BABAM2: variants seen among roughly 807,000 people sequenced by gnomAD.
BABAM2 encodes BRISC and BRCA1 A complex member 2.
A neutral mutation model predicts 54.7 loss-of-function variants in BABAM2; 31 were observed. That is an observed-to-expected ratio of 0.57 (90% CI 0.43 to 0.77). BABAM2 has a LOEUF of 0.77. Among genes scored for constraint, BABAM2 ranks in the 30% least tolerant of loss-of-function variants. BABAM2 has a pLI of 0.00. For missense variants in BABAM2, 364 were observed against 455.8 expected (o/e 0.80, Z 1.83); for synonymous variants, 167 against 162.9 (o/e 1.03, Z -0.19).
At chr2:28,002,189 G>A (rs547017549) in intron 4 of BABAM2, among the ~76,000 whole-genome samples, 4 of 152,090 alleles carry the variant, frequency 2.6e-5, no homozygotes, top group African/African-American at 2.4e-5. Flanking sequence ...TTCTGCTCAC[G>A]CTGATATTAC....
chr2:28,038,576 C>T (rs984541863), intron 5 of BABAM2, among the ~76,000 whole-genome samples: 1 of 151,974 alleles, frequency 6.6e-6, no homozygotes, highest in Admixed American at 6.6e-5. Flanking sequence ...TTGTTCCCAT[C>T]GTTATGTGTG....
intron 7 of BABAM2, among the ~76,000 whole-genome samples, chr2:28,153,776 A>G (rs186611834): frequency 4.0e-4 from 61 of 152,326 alleles, no homozygotes; most frequent in Non-Finnish European, 7.1e-4. Flanking sequence ...TAGGTAGTTG[A>G]ACACACACTA....
At chr2:27,914,506 C>T (rs1666825976) in intron 2 of BABAM2, among the ~76,000 whole-genome samples, 1 of 152,126 alleles carries the variant, frequency 6.6e-6, no homozygotes, top group Non-Finnish European at 1.5e-5. Flanking sequence ...AAGTGTAACA[C>T]CTAGAACTGA....
rs1344247281 is a variant in BABAM2, at chr2:28,112,146, T to TTTCTTTCC, written c.571-17123_571-17122insCTTTCCTT. On this transcript the variant is annotated intron_variant, in intron 6 of 11. Transcript: ENST00000379624. ...CTTTCTTTCTTTCTTTCTTTCTTTC[T>TTTCTTTCC]TTACCTCCCTCCCTCCCTCCCTCCC... is the stretch of plus-strand genomic sequence containing the variant. Among the ~76,000 whole-genome samples, 25 of 10,558 alleles carry TTTCTTTCC rather than the reference T, an allele frequency of 2.4e-3. 6 individuals carry two copies. The highest frequency in any genetic ancestry group is 0.02 in the Middle Eastern group (1 of 50). 6.9% of individuals were successfully genotyped at this position (10,558 alleles called of 152,430 possible). A position where few individuals can be genotyped will look rare whatever the true frequency, so the allele number is the denominator to read the frequency against.
intron 6 of BABAM2, among the ~76,000 whole-genome samples, chr2:28,112,152 TCC>T (rs1558346853): frequency 0.072 from 520 of 7,236 alleles, 152 homozygotes; most frequent in African/African-American, 0.14. Context: ...TTTCTTTACC[TCC>T]CTCCCTCCCT....
chr2:28,280,754 C>G (rs780862158), intron 10 of BABAM2, among the ~76,000 whole-genome samples: 2 of 152,128 alleles, frequency 1.3e-5, no homozygotes, highest in South Asian at 4.1e-4. Flanking sequence ...GCAAGTTGAA[C>G]GTGTAATGAA....
intron 6 of BABAM2, among the ~76,000 whole-genome samples, chr2:28,078,585 C>A (rs1222854116): frequency 6.6e-6 from 1 of 152,004 alleles, no homozygotes; most frequent in Non-Finnish European, 1.5e-5. Context: ...CATCCACTGG[C>A]AGGTCTTGGA....
chr2:28,085,220 T>G (rs1665533524), intron 6 of BABAM2, among the ~76,000 whole-genome samples: 4 of 152,186 alleles, frequency 2.6e-5, no homozygotes, highest in South Asian at 4.1e-4. Flanking sequence ...AACAAATACA[T>G]AAATGTAAAT....
intron 4 of BABAM2, among the ~76,000 whole-genome samples, chr2:28,006,096 CT>C (rs969112104): frequency 3.9e-5 from 6 of 151,902 alleles, no homozygotes; most frequent in South Asian, 2.1e-4. Context: ...TTTTCTCCAT[CT>C]TTTTTTTCCC....
At chr2:28,043,227 TTCAAGGGATTC>T (rs1677272303) in intron 5 of BABAM2, among the ~76,000 whole-genome samples, 1 of 151,094 alleles carries the variant, frequency 6.6e-6, no homozygotes, top group Non-Finnish European at 1.5e-5. Context: ...CTCCTCCTGG[TTCAAGGGATTC>T]TCATGCCTCA....
intron 7 of BABAM2, among the ~76,000 whole-genome samples, chr2:28,160,615 G>A (rs1179334069): frequency 6.6e-6 from 1 of 151,090 alleles, no homozygotes; most frequent in Non-Finnish European, 1.5e-5. Flanking sequence ...ACCCATGGGC[G>A]GTACTTCCTA....
chr2:28,219,812 G>T lies in BABAM2; in HGVS notation c.681-17390G>T, dbSNP rs1680234715. On this transcript the variant is annotated intron_variant, in intron 7 of 11. Coordinates refer to ENST00000379624, the MANE Select transcript of BABAM2 (RefSeq NM_199191.3). ...GCCTCAAAAATAGTGCTTGAAGGTT[G>T]CTTGAGCCGCTGCGGAGCCAAGCAA... is the stretch of plus-strand genomic sequence containing the variant. Among the ~76,000 whole-genome samples the T allele has an allele frequency of 2.6e-5, 4 of 152,204 alleles. No individual in the cohort carries two copies. In the South Asian group the frequency reaches 8.3e-4, roughly 31 times the overall value.
chr2:28,282,855 T>C (rs1361453764), intron 10 of BABAM2, among the ~76,000 whole-genome samples: 2 of 151,468 alleles, frequency 1.3e-5, no homozygotes, highest in Admixed American at 6.6e-5. Context: ...AAAAATTAGC[T>C]GGGCATGGTG....
rs186566917 is a variant in BABAM2 at position 28,259,038 on chromosome 2, G to A, written c.934+14176G>A. On this transcript the variant is annotated intron_variant, in intron 10 of 11. Transcript: ENST00000379624. ...GATCCACCCACCTTGGCCTCCCAAAGTGCTAGGATTACAGGCTTCAGCCAC... is the reference window on the plus strand; with the variant it reads ...GATCCACCCACCTTGGCCTCCCAAAATGCTAGGATTACAGGCTTCAGCCAC... Among the ~76,000 whole-genome samples the A allele has an allele frequency of 3.7e-4, 46 of 123,034 alleles. 1 individual carries two copies. Among genetic ancestry groups the A allele is most frequent in the African/African-American group, 1.3e-3 (42 of 32,026 alleles). The allele number at this position is 123,034 out of a possible 152,430, so 80.7% of individuals were successfully genotyped here.
chr2:28,046,501 G>T (rs1482831590), intron 6 of BABAM2, among the ~76,000 whole-genome samples: 1 of 151,812 alleles, frequency 6.6e-6, no homozygotes, highest in East Asian at 1.9e-4. Flanking sequence ...CAAACAAAAA[G>T]ATTTGGCTGG....
chr2:28,320,368 T>C (rs1689928865), intron 11 of BABAM2, among the ~76,000 whole-genome samples: 1 of 152,254 alleles, frequency 6.6e-6, no homozygotes, highest in Non-Finnish European at 1.5e-5. Context: ...CCATCGCTTC[T>C]TCTCTGTGAC....
At chr2:27,951,885 C>T (rs561930684) in intron 3 of BABAM2, among the ~76,000 whole-genome samples, 1 of 152,124 alleles carries the variant, frequency 6.6e-6, no homozygotes, top group East Asian at 1.9e-4. Flanking sequence ...ATACTGCAAT[C>T]TCTGACTATA....
At chr2:28,154,164 G>A (rs1170131923) in intron 7 of BABAM2, among the ~76,000 whole-genome samples, 1 of 152,134 alleles carries the variant, frequency 6.6e-6, no homozygotes, top group African/African-American at 2.4e-5. Context: ...CTAAGCTCTG[G>A]AGCCTTATAA....
At chr2:28,305,890 T>C (rs1688477317) in intron 11 of BABAM2, among the ~76,000 whole-genome samples, 1 of 152,164 alleles carries the variant, frequency 6.6e-6, no homozygotes, top group South Asian at 2.1e-4. Flanking sequence ...TTCTACAGAT[T>C]GCTTAAGCTG....
Sources: gnomAD v4.1 joint callset for allele counts (sites outside exome capture counted in the v4.1 genomes callset) on GRCh38, gnomAD v4.1.1 for gene constraint, MANE v1.5 for transcripts, NCBI Gene and HGNC (gene_info 2026-07-23, HGNC 2026-07-21) for gene names.